Variants in RASAL2 observed in about 807,000 individuals in gnomAD.
The protein encoded by RASAL2 is ras GTPase-activating protein nGAP.
RASAL2 carries 58 observed loss-of-function variants against 128.9 expected under a neutral mutation model. The observed-to-expected ratio is 0.45, with a 90% CI of 0.36 to 0.56. The LOEUF (loss-of-function observed/expected upper bound fraction) is 0.56. Ranked by LOEUF, RASAL2 falls within the 20% of genes least tolerant of loss-of-function variation. The pLI, the probability that RASAL2 is intolerant of heterozygous loss-of-function variation, is 0.00. For synonymous variants in RASAL2, 561 were observed against 580.8 expected, an observed-to-expected ratio of 0.97 and a Z score of 0.49; for missense variants, 1,360 against 1,601.6, an observed-to-expected ratio of 0.85 and a Z score of 2.57.
At chr1:178,348,434 T>C (rs908498563) in intron 3 of RASAL2, among the ~76,000 whole-genome samples, 1 of 151,984 alleles carries the variant, frequency 6.6e-6, no homozygotes, top group Non-Finnish European at 1.5e-5. Flanking sequence ...GCTGGGACTA[T>C]AGGTGCACAC....
In RASAL2 at chr1:178,473,597, G is replaced by A. The variant is rs959353187; in HGVS notation, c.*358G>A. On this transcript the variant is annotated 3_prime_UTR_variant, in exon 18 of 18. Coordinates refer to ENST00000367649, the MANE Select transcript of RASAL2 (RefSeq NM_170692.4). ...CACTGCAGTTGTTACAGGAAGTAAA[G>A]TAGGAACTGTTGTGTGAGCGAGACA... The A allele has an allele frequency of 1.5e-5, 4 of 275,242 alleles. No individual in the cohort carries two copies. Among genetic ancestry groups the A allele is most frequent in the Admixed American group, 5.1e-5 (1 of 19,512 alleles). The allele number at this position is 275,242 out of a possible 1,614,324, so 17.0% of individuals were successfully genotyped here. A position where few individuals can be genotyped will look rare whatever the true frequency, so the allele number is the denominator to read the frequency against.
chr1:178,418,512 A>G (rs571044266), intron 4 of RASAL2, among the ~76,000 whole-genome samples: 2 of 152,308 alleles, frequency 1.3e-5, no homozygotes, highest in South Asian at 4.1e-4. Flanking sequence ...GATATATACT[A>G]GGAGTTTTTA....
At chr1:178,230,001 T>G (rs1232402264) in intron 1 of RASAL2, among the ~76,000 whole-genome samples, 3 of 152,222 alleles carry the variant, frequency 2.0e-5, no homozygotes, top group African/African-American at 4.8e-5. Context: ...TGATATTTTT[T>G]TTCTATTATA....
chr1:178,456,538 C>G (rs981498504), intron 12 of RASAL2, 183 bp from the exon 13 acceptor site: 63 of 696,838 alleles, frequency 9.0e-5, no homozygotes, highest in Non-Finnish European at 1.6e-4. Flanking sequence ...CTCCATTCAT[C>G]TCGACGCCAT....
At chr1:178,335,758 G>C (rs1049119090) in intron 3 of RASAL2, among the ~76,000 whole-genome samples, 1 of 152,168 alleles carries the variant, frequency 6.6e-6, no homozygotes, top group Non-Finnish European at 1.5e-5. Flanking sequence ...TGAAAATTCA[G>C]TACATCGTTC....
intron 1 of RASAL2, among the ~76,000 whole-genome samples, chr1:178,149,432 T>G (rs1660838600): frequency 6.6e-6 from 1 of 152,118 alleles, no homozygotes; most frequent in African/African-American, 2.4e-5. Flanking sequence ...TTTAATTCAT[T>G]TTTTTCTTAA....
At chr1:178,332,792 T>G (rs760622347) in intron 3 of RASAL2, among the ~76,000 whole-genome samples, 11 of 151,168 alleles carry the variant, frequency 7.3e-5, no homozygotes, top group Non-Finnish European at 8.8e-5. Flanking sequence ...TTTTTTGTAT[T>G]TTTAGTAGAG....
chr1:178,228,562 C>T (rs910120249), intron 1 of RASAL2, among the ~76,000 whole-genome samples: 2 of 152,070 alleles, frequency 1.3e-5, no homozygotes, highest in Non-Finnish European at 2.9e-5. Flanking sequence ...GGTAACAGAG[C>T]GAGACTCCGT....
intron 1 of RASAL2, among the ~76,000 whole-genome samples, chr1:178,243,381 C>T (rs1437114267): frequency 2.6e-5 from 4 of 152,100 alleles, no homozygotes; most frequent in African/African-American, 9.6e-5. Context: ...TGGGTTTTGG[C>T]AGGACCTCCC....
rs146721765 is a variant in RASAL2 at position 178,387,801 on chromosome 1, G to A, written c.458-2299G>A. On this transcript the variant is annotated intron_variant, in intron 3 of 17. Coordinates refer to ENST00000367649, the MANE Select transcript of RASAL2 (RefSeq NM_170692.4). The stretch of plus-strand genomic sequence containing the variant: ...GTTGGAAAAAAGAGAAAAGAAAACA[G>A]AAGTATAACAATACCATATTTATTG... Among the ~76,000 whole-genome samples, 8 of 152,266 alleles carry A rather than the reference G, an allele frequency of 5.3e-5. No homozygotes were observed. The East Asian group carries it at 1.5e-3, about 29-fold the overall frequency.
At chr1:178,360,465 G>A (rs1015240480) in intron 3 of RASAL2, among the ~76,000 whole-genome samples, 1 of 152,224 alleles carries the variant, frequency 6.6e-6, no homozygotes, top group African/African-American at 2.4e-5. Flanking sequence ...CCCATAGGAA[G>A]CTTCCCTACT....
At chr1:178,238,609 C>T (rs188722713) in intron 1 of RASAL2, among the ~76,000 whole-genome samples, 18 of 150,242 alleles carry the variant, frequency 1.2e-4, no homozygotes, top group Non-Finnish European at 2.1e-4. Flanking sequence ...TGTGTATATA[C>T]ACACACACAC....
intron 3 of RASAL2, among the ~76,000 whole-genome samples, chr1:178,320,446 C>G (rs1173700158): frequency 3.9e-5 from 6 of 151,996 alleles, no homozygotes; most frequent in African/African-American, 1.4e-4. Context: ...ATCAGCGAGA[C>G]TCCGTGGGCG....
At chr1:178,280,487 T>C (rs1202316452) in intron 1 of RASAL2, among the ~76,000 whole-genome samples, 1 of 151,998 alleles carries the variant, frequency 6.6e-6, no homozygotes, top group African/African-American at 2.4e-5. Flanking sequence ...TAAATATTGA[T>C]ATAACCCATA....
intron 1 of RASAL2, among the ~76,000 whole-genome samples, chr1:178,124,844 C>T (rs1339902840): frequency 6.6e-6 from 1 of 152,060 alleles, no homozygotes; most frequent in Non-Finnish European, 1.5e-5. Flanking sequence ...TAAAAAAACA[C>T]ATTTTTTATC....
intron 1 of RASAL2, among the ~76,000 whole-genome samples, chr1:178,112,863 A>G (rs1373340686): frequency 1.3e-5 from 2 of 151,878 alleles, no homozygotes; most frequent in Non-Finnish European, 2.9e-5. Flanking sequence ...TACATATGTA[A>G]CTAACCTGCA....
intron 2 of RASAL2, among the ~76,000 whole-genome samples, chr1:178,284,280 A>T (rs745899620): frequency 6.6e-6 from 1 of 152,212 alleles, no homozygotes; most frequent in Non-Finnish European, 1.5e-5. Flanking sequence ...CAGTCTCTAT[A>T]CCAAACAAAA....
At position 178,234,534 on chromosome 1, in the gene RASAL2, A is replaced by G. The variant is rs557941798; in HGVS notation, c.203-49030A>G. The stretch of plus-strand genomic sequence containing the variant: ...TGGGACTTTTTAAAATTTAAAAATT[A>G]TTTCATATTGATTATAGCATTGTTA... On this transcript the variant is annotated intron_variant, in intron 1 of 17. Coordinates refer to ENST00000367649, the MANE Select transcript of RASAL2 (RefSeq NM_170692.4). 1.0e-3 allele frequency among the ~76,000 whole-genome samples: 154 copies of G among 152,316 alleles called. 1 individual carries two copies. The highest frequency in any genetic ancestry group is 1.8e-3 in the Admixed American group (27 of 15,288).
At chr1:178,282,133 A>T (rs972543542) in intron 1 of RASAL2, among the ~76,000 whole-genome samples, 7 of 152,168 alleles carry the variant, frequency 4.6e-5, no homozygotes, top group African/African-American at 1.7e-4. Flanking sequence ...ACAAACAGAA[A>T]ATAAGGGAAG....
Sources: gnomAD v4.1 joint callset for allele counts (sites outside exome capture counted in the v4.1 genomes callset) on GRCh38, gnomAD v4.1.1 for gene constraint, MANE v1.5 for transcripts, NCBI Gene and HGNC (gene_info 2026-07-23, HGNC 2026-07-21) for gene names.